Variants in BNC2 observed in about 807,000 individuals in gnomAD.
BNC2 encodes the protein zinc finger protein basonuclin-2.
BNC2 carries 20 observed loss-of-function variants against 76.3 expected under a neutral mutation model. The ratio of observed to expected loss-of-function variants is 0.26; its 90% CI spans 0.18 to 0.38. BNC2 has a LOEUF of 0.38. Among genes scored for constraint, BNC2 ranks in the 10% least tolerant of loss-of-function variants. BNC2 has a pLI of 1.00. For missense variants in BNC2, 1,382 were observed against 1,399.8 expected, an observed-to-expected ratio of 0.99 and a Z score of 0.20; for synonymous variants, 582 against 514.8, an observed-to-expected ratio of 1.13 and a Z score of -1.77.
At chr9:16,568,740 G>A (rs1482063153) in intron 4 of BNC2, among the ~76,000 whole-genome samples, 2 of 152,050 alleles carry the variant, frequency 1.3e-5, no homozygotes, top group Non-Finnish European at 2.9e-5. Context: ...TTAATATAGG[G>A]CAATGATGAC....
rs370764772 is a variant in BNC2 at position 16,754,009 on chromosome 9, T to G, written c.4-15524A>C. Among the ~76,000 whole-genome samples, 293 of 152,294 alleles carry G rather than the reference T, an allele frequency of 1.9e-3. 1 individual carries two copies. Among genetic ancestry groups the G allele is most frequent in the African/African-American group, 6.6e-3 (273 of 41,590 alleles). ...ATGGGGTCCATGGCTCCAGCCCAGATGGGCTCCAGCAAAGCAAGAAGCCTC... is the reference window on the plus strand; with the variant it reads ...ATGGGGTCCATGGCTCCAGCCCAGAGGGGCTCCAGCAAAGCAAGAAGCCTC... On this transcript the variant is annotated intron_variant, in intron 1 of 6. Transcript: ENST00000380672.
chr9:16,488,120 T>C (rs976619832), intron 5 of BNC2, among the ~76,000 whole-genome samples: 3 of 152,344 alleles, frequency 2.0e-5, no homozygotes, highest in African/African-American at 4.8e-5. Context: ...CCTCGCCTTA[T>C]ATGGCAGTGT....
At chr9:16,573,268 A>G (rs1412969730) in intron 4 of BNC2, among the ~76,000 whole-genome samples, 1 of 152,028 alleles carries the variant, frequency 6.6e-6, no homozygotes, top group Non-Finnish European at 1.5e-5. Flanking sequence ...AATATAATTC[A>G]AGCCAAGATA....
intron 3 of BNC2, among the ~76,000 whole-genome samples, chr9:16,676,414 T>C: frequency 6.6e-6 from 1 of 152,256 alleles, no homozygotes; most frequent in Admixed American, 6.5e-5. Flanking sequence ...TTTCTCTATG[T>C]TTTCCTTCTT....
At chr9:16,758,325 C>T (rs1251088638) in intron 1 of BNC2, among the ~76,000 whole-genome samples, 2 of 137,028 alleles carry the variant, frequency 1.5e-5, no homozygotes, top group Admixed American at 8.0e-5. Context: ...ACATTAGCCG[C>T]GTTTGCAAAG....
At chr9:16,747,468 C>A (rs748563188) in intron 1 of BNC2, among the ~76,000 whole-genome samples, 34 of 152,154 alleles carry the variant, frequency 2.2e-4, no homozygotes, top group African/African-American at 7.5e-4. Flanking sequence ...AGGTACTATG[C>A]AAAACATAAA....
intron 5 of BNC2, among the ~76,000 whole-genome samples, chr9:16,528,396 T>G (rs1817876027): frequency 6.6e-6 from 1 of 152,198 alleles, no homozygotes; most frequent in Non-Finnish European, 1.5e-5. Context: ...CTCATAGATT[T>G]TCAACTCAGT....
chr9:16,759,154 G>A (rs16935001), intron 1 of BNC2, among the ~76,000 whole-genome samples: 9,137 of 152,098 alleles, frequency 0.06, 906 homozygotes, highest in African/African-American at 0.21. Flanking sequence ...TCCAACAGCT[G>A]GCTATAATCT....
rs1191069145 is a variant in BNC2 at position 16,532,915 on chromosome 9, T to A, written c.669+19615A>T. 2.0e-5 allele frequency among the ~76,000 whole-genome samples: 3 copies of A among 152,222 alleles called. No individual in the cohort carries two copies. In the East Asian group the frequency reaches 5.8e-4, roughly 29 times the overall value. On this transcript the variant is annotated intron_variant, in intron 5 of 6. Transcript: ENST00000380672. ...TTCACCAGAGAAATCAGCAAACACT[T>A]GCAAATCAGGGTTGGCTGGTTGCTT...
In BNC2 at chr9:16,463,916, C is replaced by G. The variant is rs561804627; in HGVS notation, c.670-26392G>C. 2.0e-3 allele frequency among the ~76,000 whole-genome samples: 297 copies of G among 151,720 alleles called. 1 individual carries two copies. Among genetic ancestry groups the G allele is most frequent in the African/African-American group, 6.5e-3 (269 of 41,410 alleles). ...TTTGAGACCACCTGGGCCAACATGG[C>G]GAAACCTTGTCTCTACTTAAAATAC... On this transcript the variant is annotated intron_variant, in intron 5 of 6. Coordinates refer to ENST00000380672, the MANE Select transcript of BNC2 (RefSeq NM_017637.6).
At chr9:16,813,098 T>A (rs1411802559) in intron 1 of BNC2, among the ~76,000 whole-genome samples, 1 of 151,772 alleles carries the variant, frequency 6.6e-6, no homozygotes, top group African/African-American at 2.4e-5. Flanking sequence ...CTTGGAAGGC[T>A]GAGGCAGGAG....
At chr9:16,473,869 T>C (rs1821876484) in intron 5 of BNC2, among the ~76,000 whole-genome samples, 1 of 152,008 alleles carries the variant, frequency 6.6e-6, no homozygotes. Flanking sequence ...CGAGACTCTG[T>C]CTCAAAAATA....
At chr9:16,558,673 G>A (rs1818912035) in intron 4 of BNC2, among the ~76,000 whole-genome samples, 2 of 152,274 alleles carry the variant, frequency 1.3e-5, no homozygotes, top group South Asian at 2.1e-4. Context: ...GCTCATGCCT[G>A]TCATCCCAGC....
intron 3 of BNC2, among the ~76,000 whole-genome samples, chr9:16,622,518 G>A (rs746604215): frequency 6.6e-6 from 1 of 152,122 alleles, no homozygotes; most frequent in Non-Finnish European, 1.5e-5. Context: ...ACACTTGATT[G>A]CAATCCATTT....
At chr9:16,594,727 T>A (rs989769093) in intron 3 of BNC2, among the ~76,000 whole-genome samples, 2 of 152,036 alleles carry the variant, frequency 1.3e-5, no homozygotes, top group African/African-American at 2.4e-5. Flanking sequence ...TCCCTAAAAT[T>A]AGAGATTTTT....
At chr9:16,458,870 C>T (rs1163835992) in intron 5 of BNC2, among the ~76,000 whole-genome samples, 1 of 152,238 alleles carries the variant, frequency 6.6e-6, no homozygotes, top group African/African-American at 2.4e-5. Flanking sequence ...CCTGAAACCA[C>T]ATTTCAGCTC....
chr9:16,659,258 C>G (rs1171198394), intron 3 of BNC2, among the ~76,000 whole-genome samples: 4 of 152,162 alleles, frequency 2.6e-5, no homozygotes, highest in Non-Finnish European at 5.9e-5. Context: ...CTCTCCGTTT[C>G]ATCGTGCCCT....
chr9:16,635,065 A>G (rs932614614), intron 3 of BNC2, among the ~76,000 whole-genome samples: 1 of 152,232 alleles, frequency 6.6e-6, no homozygotes, highest in Non-Finnish European at 1.5e-5. Flanking sequence ...TATGCTTAAT[A>G]ACAAACATAA....
At chr9:16,867,264 A>AGTATGCT (rs1819564749) in intron 1 of BNC2, 2 of 152,204 alleles carry the variant, frequency 1.3e-5, no homozygotes, top group Non-Finnish European at 2.9e-5. Context: ...GGGTTTATAT[A>AGTATGCT]AAACAAAGAT....
Sources: allele counts gnomAD v4.1 joint callset (sites outside exome capture counted in the v4.1 genomes callset), GRCh38; gene constraint gnomAD v4.1.1; transcripts MANE v1.5; gene names NCBI Gene and HGNC (gene_info 2026-07-23, HGNC 2026-07-21).